Variants in PTK7 observed in about 807,000 individuals in gnomAD.
The protein encoded by PTK7 is inactive tyrosine-protein kinase 7.
In PTK7, 39 loss-of-function variants were observed where a neutral mutation model predicts 116.6. The ratio of observed to expected loss-of-function variants is 0.33; its 90% CI spans 0.26 to 0.44. PTK7 has a LOEUF of 0.44. Among genes scored for constraint, PTK7 ranks in the 20% least tolerant of loss-of-function variants. The probability of loss-of-function intolerance (pLI) is 1.00; values close to 1 mark genes in which losing one functional copy is unlikely to be tolerated. For synonymous variants in PTK7, 546 were observed against 563.6 expected, an observed-to-expected ratio of 0.97 and a Z score of 0.44; for missense variants, 1,169 against 1,425.6, an observed-to-expected ratio of 0.82 and a Z score of 2.90.
At chr6:43,124,905 G>A (rs537987639) in intron 1 of PTK7, among the ~76,000 whole-genome samples, 3 of 152,304 alleles carry the variant, frequency 2.0e-5, no homozygotes, top group Non-Finnish European at 4.4e-5. Flanking sequence ...GGGCGGGGTG[G>A]CTCACGCCTG....
intron 1 of PTK7, among the ~76,000 whole-genome samples, chr6:43,083,997 G>A (rs1043969705): frequency 6.6e-6 from 1 of 152,198 alleles, no homozygotes; most frequent in Admixed American, 6.5e-5. Context: ...GGGCCTTACT[G>A]CAGACCTGCC....
At position 43,126,526 on chromosome 6, in the gene PTK7, A is replaced by T. The variant is rs148958083; in HGVS notation, c.80-2451A>T. Among the ~76,000 whole-genome samples, 283 of 152,332 alleles carry T rather than the reference A, an allele frequency of 1.9e-3. 2 individuals are homozygous for T. Among genetic ancestry groups the T allele is most frequent in the African/African-American group, 6.5e-3 (270 of 41,584 alleles). ...CTTTGTGTGCCTGACATTGTCTGCA[A>T]GAGGTGTGTCCACACACTACCTGGC... is the stretch of plus-strand genomic sequence containing the variant. On this transcript the variant is annotated intron_variant, in intron 1 of 19. Coordinates refer to ENST00000230419, the MANE Select transcript of PTK7 (RefSeq NM_002821.5).
chr6:43,153,335 G>A (rs1771240795), intron 17 of PTK7, among the ~76,000 whole-genome samples: 3 of 150,910 alleles, frequency 2.0e-5, no homozygotes, highest in South Asian at 2.1e-4. Flanking sequence ...GGATGGTCTC[G>A]ATCTCCTGAC....
intron 16 of PTK7, among the ~76,000 whole-genome samples, chr6:43,146,321 T>C (rs964096812): frequency 6.6e-6 from 1 of 152,146 alleles, no homozygotes; most frequent in Non-Finnish European, 1.5e-5. Context: ...GGGGACTGTT[T>C]TCCTCTTGGC....
intron 1 of PTK7, among the ~76,000 whole-genome samples, chr6:43,086,723 G>A (rs989532035): frequency 4.6e-5 from 7 of 152,134 alleles, no homozygotes; most frequent in African/African-American, 1.7e-4. Context: ...TGTAGTCTCA[G>A]CTACTCAAAG....
At chr6:43,157,364 A>ATATATATATATATATATATTTTT (rs70990168) in intron 17 of PTK7, among the ~76,000 whole-genome samples, 3 of 54,362 alleles carry the variant, frequency 5.5e-5, no homozygotes, top group Non-Finnish European at 6.5e-5. Flanking sequence ...ATATATATAT[A>ATATATATATATATATATATTTTT]TTTTTTTTTT....
At chr6:43,106,542 C>T (rs945423095) in intron 1 of PTK7, among the ~76,000 whole-genome samples, 2 of 151,958 alleles carry the variant, frequency 1.3e-5, no homozygotes, top group African/African-American at 4.8e-5. Context: ...CCACCTCGAC[C>T]TCCCAGAATG....
At position 43,077,330 on chromosome 6, in the gene PTK7, T is replaced by C. The variant is rs1036939955; in HGVS notation, c.79+763T>C. Among the ~76,000 whole-genome samples the C allele has an allele frequency of 2.6e-5, 4 of 152,360 alleles. No homozygotes were observed. In the East Asian group the frequency reaches 5.8e-4, roughly 22 times the overall value. ...GCAAAGGTGCGGACGGGGTTTGTTCTGCTCCTTCCTGGATTTCCATCCTGA... is the reference window on the plus strand; with the variant it reads ...GCAAAGGTGCGGACGGGGTTTGTTCCGCTCCTTCCTGGATTTCCATCCTGA... On this transcript the variant is annotated intron_variant, in intron 1 of 19. Coordinates refer to ENST00000230419, the MANE Select transcript of PTK7 (RefSeq NM_002821.5).
rs200764796 is a variant in PTK7 at position 43,159,754 on chromosome 6, C to G, written c.2874-34C>G. Reference sequence around the variant, plus strand: ...GTGCAGCGCCAGGCCACGCTCCCACCCCACCTCACCCCTGGGTTGCTTCTC... The same window carrying G: ...GTGCAGCGCCAGGCCACGCTCCCACGCCACCTCACCCCTGGGTTGCTTCTC... On this transcript the variant is annotated intron_variant, in intron 18 of 19. Transcript: ENST00000230419. 1.1e-5 allele frequency: 17 copies of G among 1,612,022 alleles called. No individual in the cohort carries two copies. The East Asian group carries it at 3.8e-4, about 36-fold the overall frequency.
chr6:43,122,434 T>G (rs1015549828), intron 1 of PTK7, among the ~76,000 whole-genome samples: 1 of 151,968 alleles, frequency 6.6e-6, no homozygotes, highest in South Asian at 2.1e-4. Context: ...GGGCTGCTTC[T>G]CCTGGCCTGT....
At chr6:43,157,389 T>TC (rs1771567716) in intron 17 of PTK7, among the ~76,000 whole-genome samples, 1 of 116,518 alleles carries the variant, frequency 8.6e-6, no homozygotes, top group African/African-American at 3.2e-5. Context: ...TTTTTTTTTT[T>TC]TTTTTTAATA....
chr6:43,097,195 G>C (rs1405261142), intron 1 of PTK7, among the ~76,000 whole-genome samples: 1 of 152,146 alleles, frequency 6.6e-6, no homozygotes, highest in Non-Finnish European at 1.5e-5. Flanking sequence ...CAGGTTGGGT[G>C]GGGGGCAGGA....
chr6:43,117,884 C>T (rs573996278), intron 1 of PTK7, among the ~76,000 whole-genome samples: 9 of 150,484 alleles, frequency 6.0e-5, no homozygotes, highest in African/African-American at 1.7e-4. Context: ...TGCAGTGAGC[C>T]GAGATCATGC....
At chr6:43,116,651 T>TGTGTGTGTGTGCGCGCGC (rs1323606377) in intron 1 of PTK7, among the ~76,000 whole-genome samples, 4 of 77,212 alleles carry the variant, frequency 5.2e-5, no homozygotes, top group African/African-American at 2.6e-4. Flanking sequence ...TGTGTGTGTG[T>TGTGTGTGTGTGCGCGCGC]GCGCGCGCAC....
At chr6:43,157,325 G>T in intron 17 of PTK7, among the ~76,000 whole-genome samples, 2 of 42,336 alleles carry the variant, frequency 4.7e-5, no homozygotes, top group Non-Finnish European at 4.1e-5. Flanking sequence ...AGACACACAC[G>T]CTATATATAT....
intron 1 of PTK7, among the ~76,000 whole-genome samples, chr6:43,115,985 C>G (rs1768493347): frequency 6.6e-6 from 1 of 151,758 alleles, no homozygotes; most frequent in Non-Finnish European, 1.5e-5. Flanking sequence ...TCCCATGCCC[C>G]TCTCCCATGG....
Position 43,143,722 on chromosome 6 carries a change from T to A in PTK7, c.2251+102T>A. The A allele has an allele frequency of 3.1e-6, 4 of 1,277,764 alleles. No homozygotes were observed. Among genetic ancestry groups the A allele is most frequent in the Non-Finnish European group, 4.3e-6 (4 of 937,320 alleles). 79.2% of individuals were successfully genotyped at this position (1,277,764 alleles called of 1,614,324 possible). The stretch of plus-strand genomic sequence containing the variant: ...GCCAGCACTCTGGAAACCGAGCGGC[T>A]GTTGCTGGGTCCTGGAGCTGGGACT... On this transcript the variant is annotated intron_variant, in intron 14 of 19. Coordinates refer to ENST00000230419, the MANE Select transcript of PTK7 (RefSeq NM_002821.5). This position sits in a 1 kb window ranked among gnomAD's most constrained non-coding sequence, Gnocchi z 4.2.
chr6:43,076,400 T>G lies in PTK7; in HGVS notation c.-89T>G. ...GCGGCTGCTGCTGCGGCGCCCGCGCTCCGGTGCGCTCCGCCTCCTGTGCCC... is the reference window on the plus strand; with the variant it reads ...GCGGCTGCTGCTGCGGCGCCCGCGCGCCGGTGCGCTCCGCCTCCTGTGCCC... On this transcript the variant is annotated 5_prime_UTR_variant, in exon 1 of 20. Coordinates refer to ENST00000230419, the MANE Select transcript of PTK7 (RefSeq NM_002821.5). This position sits in a 1 kb window ranked among gnomAD's most constrained non-coding sequence, Gnocchi z 5.7. The G allele has an allele frequency of 1.9e-6, 2 of 1,070,560 alleles. No individual in the cohort carries two copies. The highest frequency in any genetic ancestry group is 2.5e-5 in the South Asian group (1 of 40,792). 66.3% of individuals were successfully genotyped at this position (1,070,560 alleles called of 1,614,324 possible).
chr6:43,126,760 G>A (rs1769311056), intron 1 of PTK7, among the ~76,000 whole-genome samples: 1 of 152,236 alleles, frequency 6.6e-6, no homozygotes, highest in South Asian at 2.1e-4. Context: ...CAGGAACAGA[G>A]CCCTATTCCT....
Sources: gnomAD v4.1 joint callset for allele counts (sites outside exome capture counted in the v4.1 genomes callset) on GRCh38, gnomAD v4.1.1 for gene constraint, Gnocchi (gnomAD v3.1) non-coding constraint, MANE v1.5 for transcripts, NCBI Gene and HGNC (gene_info 2026-07-23, HGNC 2026-07-21) for gene names.